Variants in SLC6A17 observed in about 807,000 individuals in gnomAD.
The protein encoded by SLC6A17 is solute carrier family 6 member 17.
Under a neutral mutation model 64.5 loss-of-function variants are expected in SLC6A17, and 21 were observed. The ratio of observed to expected loss-of-function variants is 0.33; its 90% CI spans 0.23 to 0.47. The LOEUF (loss-of-function observed/expected upper bound fraction) is 0.47. Among genes scored for constraint, SLC6A17 ranks in the 20% least tolerant of loss-of-function variants. The pLI, the probability that SLC6A17 is intolerant of heterozygous loss-of-function variation, is 1.00. For missense variants in SLC6A17, 682 were observed against 963.2 expected, an observed-to-expected ratio of 0.71 and a Z score of 3.86; for synonymous variants, 372 against 399.5, an observed-to-expected ratio of 0.93 and a Z score of 0.82.
intron 1 of SLC6A17, among the ~76,000 whole-genome samples, chr1:110,162,888 C>T (rs1303857412): frequency 1.3e-5 from 2 of 152,002 alleles, no homozygotes; most frequent in African/African-American, 4.8e-5. Flanking sequence ...GGCACCCTCC[C>T]TTGACACATG....
Position 110,172,079 on chromosome 1 carries a change from C to T in SLC6A17, c.306C>T (p.Tyr102=). The part of the protein sequence containing the change: ...KNGGGAYLVP[Y]LVLLIIIGIP... ...CCACAGGTGCTTACCTGGTGCCCTA[C>T]CTGGTGCTGCTGATCATCATCGGGA... The change falls in exon 3 of 12, where the codon TAC becomes TAT. Residue 102 remains tyrosine, a synonymous_variant. Coordinates refer to ENST00000331565, the MANE Select transcript of SLC6A17 (RefSeq NM_001010898.4). 4 of 1,614,144 alleles carry T rather than the reference C, an allele frequency of 2.5e-6. No homozygotes were observed. Among genetic ancestry groups the T allele is most frequent in the Non-Finnish European group, 3.4e-6 (4 of 1,180,008 alleles).
intron 6 of SLC6A17, among the ~76,000 whole-genome samples, chr1:110,190,072 C>T (rs1571000110): frequency 6.6e-6 from 1 of 152,224 alleles, no homozygotes; most frequent in Non-Finnish European, 1.5e-5. Flanking sequence ...CCAGGCCTGG[C>T]CCACAGCAGG....
Position 110,174,907 on chromosome 1 carries a change from G to T in SLC6A17, c.700G>T (p.Ala234Ser). 20 of 1,614,164 alleles carry T rather than the reference G, an allele frequency of 1.2e-5. No homozygotes were observed. The highest frequency in any genetic ancestry group is 1.7e-4 in the Middle Eastern group (1 of 6,060). Residue 234 changes from alanine (A) to serine (S), a missense_variant, in exon 5 of 12, where the codon GCC becomes TCC. Coordinates refer to ENST00000331565, the MANE Select transcript of SLC6A17 (RefSeq NM_001010898.4). ...GAAGATGACCCTGTGCCTCCTCGTG[G>T]CCTGGAGCATCGTGGGGATGGCTGT... ...NWKMTLCLLV[A>S]WSIVGMAVVK...
intron 1 of SLC6A17, among the ~76,000 whole-genome samples, chr1:110,156,241 A>C (rs1284599020): frequency 6.6e-6 from 1 of 152,210 alleles, no homozygotes; most frequent in Non-Finnish European, 1.5e-5. Context: ...TCAAGTGAGG[A>C]AGATCCTGCT....
intron 4 of SLC6A17, 131 bp from the exon 5 acceptor site, chr1:110,174,648 A>G: frequency 8.8e-7 from 1 of 1,134,880 alleles, no homozygotes; most frequent in South Asian, 1.6e-5. Flanking sequence ...ACCCAAGATG[A>G]GCACAGCCCC....
intron 6 of SLC6A17, among the ~76,000 whole-genome samples, chr1:110,191,328 A>G (rs1425469491): frequency 6.6e-6 from 1 of 152,240 alleles, no homozygotes; most frequent in Non-Finnish European, 1.5e-5. Context: ...AAATTGCTCC[A>G]TGCCATCCCA....
chr1:110,176,423 A>G (rs1051664221), intron 5 of SLC6A17, among the ~76,000 whole-genome samples: 2 of 152,160 alleles, frequency 1.3e-5, no homozygotes, highest in South Asian at 2.1e-4. Context: ...GGGCACAGCC[A>G]TGCAGACTCC....
chr1:110,194,742 C>G lies in SLC6A17; in HGVS notation c.1463C>G (p.Thr488Ser). 6.2e-7 allele frequency: 1 copy of G among 1,614,034 alleles called. No homozygotes were observed. The highest frequency in any genetic ancestry group is 1.1e-5 in the South Asian group (1 of 91,084). ...GGCATCACCACGCCCATCATCGACA[C>G]CTTCAAGGTGCCCAAGGAGATGTTC... is the stretch of plus-strand genomic sequence containing the variant. ...MAGITTPIIDTFKVPKEMFTV... is the reference protein window; with the variant it reads ...MAGITTPIIDSFKVPKEMFTV... Residue 488 changes from threonine (T) to serine (S), a missense_variant, in exon 9 of 12, where the codon ACC (threonine) becomes AGC (serine). Physicochemically the swap from Thr to Ser is moderately conservative, Grantham distance 58. Coordinates refer to ENST00000331565, the MANE Select transcript of SLC6A17 (RefSeq NM_001010898.4).
chr1:110,179,522 C>CCCTTT (rs1407053523), intron 6 of SLC6A17, among the ~76,000 whole-genome samples: 1 of 86,536 alleles, frequency 1.2e-5, no homozygotes, highest in Non-Finnish European at 2.4e-5. Context: ...CCTTTCCCTT[C>CCCTTT]CCCTTCCCCT....
At chr1:110,153,927 C>T (rs74117526) in intron 1 of SLC6A17, among the ~76,000 whole-genome samples, 268 of 152,298 alleles carry the variant, frequency 1.8e-3, no homozygotes, top group African/African-American at 6.2e-3. Context: ...TGTTTCCCTC[C>T]CCTGAATGAT....
chr1:110,166,981 A>G lies in SLC6A17; in HGVS notation c.52A>G (p.Thr18Ala), dbSNP rs1656079128. 1 of 1,613,736 alleles carries G rather than the reference A, an allele frequency of 6.2e-7. No homozygotes were observed. The highest frequency in any genetic ancestry group is 1.3e-5 in the African/African-American group (1 of 74,844). The change falls in exon 2 of 12, where the codon ACT becomes GCT. Residue 18 changes from threonine to alanine, a missense_variant. Coordinates refer to ENST00000331565, the MANE Select transcript of SLC6A17 (RefSeq NM_001010898.4). The stretch of plus-strand genomic sequence containing the variant: ...GCGTGAGCACAGCAGTGAGCATGTC[A>G]CTGAGTCCGTGGCCGACCTGCTGGC... ...TQREHSSEHV[T>A]ESVADLLALE...
intron 1 of SLC6A17, among the ~76,000 whole-genome samples, chr1:110,156,199 C>T (rs956713653): frequency 6.6e-6 from 1 of 152,148 alleles, no homozygotes; most frequent in African/African-American, 2.4e-5. Flanking sequence ...CCCCAAATTG[C>T]TTTATATTGT....
At chr1:110,163,914 AC>A (rs969815721) in intron 1 of SLC6A17, among the ~76,000 whole-genome samples, 1 of 148,842 alleles carries the variant, frequency 6.7e-6, no homozygotes, top group African/African-American at 2.5e-5. Flanking sequence ...CTGCCCCCCA[AC>A]CCCCGCATCC....
rs544084723 is a variant in SLC6A17 at position 110,194,606 on chromosome 1, A to G, written c.1327A>G (p.Ile443Val). The change falls in exon 9 of 12, where the codon ATC (isoleucine) becomes GTC (valine). Residue 443 changes from isoleucine (I) to valine (V), a missense_variant. This residue lies in a region of SLC6A17 where 415 missense variants were observed against 603.8 expected (regional missense o/e 0.69). Transcript: ENST00000331565. ...CGTGCAGGGCACAGGCCTGGCCTTC[A>G]TCGCCTTCACTGAGGCCATGACGCA... The part of the protein sequence containing the change: ...KSVQGTGLAF[I>V]AFTEAMTHFP... 12 of 1,614,192 alleles carry G rather than the reference A, an allele frequency of 7.4e-6. No individual in the cohort carries two copies. The African/African-American group carries it at 1.5e-4, about 20-fold the overall frequency.
At position 110,172,086 on chromosome 1, in the gene SLC6A17, C is replaced by T. The variant is rs1656241830; in HGVS notation, c.313C>T (p.Leu105=). The change falls in exon 3 of 12, where the codon CTG becomes TTG. Residue 105 remains leucine (L), a synonymous_variant. Transcript: ENST00000331565. ...GGAYLVPYLV[L]LIIIGIPLFF... is the part of the protein sequence containing the mutation. ...TGCTTACCTGGTGCCCTACCTGGTG[C>T]TGCTGATCATCATCGGGATCCCCCT... is the stretch of plus-strand genomic sequence containing the variant. The T allele has an allele frequency of 1.9e-6, 3 of 1,614,040 alleles. No homozygotes were observed. The highest frequency in any genetic ancestry group is 3.3e-5 in the Admixed American group (2 of 60,004).
intron 1 of SLC6A17, among the ~76,000 whole-genome samples, chr1:110,164,835 A>G (rs6663220): frequency 0.025 from 3,791 of 152,232 alleles, 156 homozygotes; most frequent in African/African-American, 0.085. Flanking sequence ...ATGGAGAAAC[A>G]TGTGCTCCAA....
intron 1 of SLC6A17, 64 bp from the exon 2 acceptor site, chr1:110,166,779 A>G (rs1412497807): frequency 1.0e-6 from 1 of 1,000,662 alleles, no homozygotes; most frequent in Non-Finnish European, 1.4e-6. Context: ...GGTTGTGTCC[A>G]CGTTGGGCTC....
intron 5 of SLC6A17, among the ~76,000 whole-genome samples, chr1:110,176,049 CCTTT>C (rs1220203128): frequency 1.3e-5 from 2 of 152,196 alleles, no homozygotes; most frequent in East Asian, 3.8e-4. Flanking sequence ...CAGCCCTCTT[CCTTT>C]GTTTCAGTGC....
At chr1:110,197,079 G>A (rs1261534574) in intron 10 of SLC6A17, among the ~76,000 whole-genome samples, 2 of 152,216 alleles carry the variant, frequency 1.3e-5, no homozygotes, top group African/African-American at 4.8e-5. Context: ...CACTTCTACT[G>A]CTTTTCCAGC....
Sources: gnomAD v4.1 joint callset for allele counts (sites outside exome capture counted in the v4.1 genomes callset) on GRCh38, gnomAD v4.1.1 for gene constraint, gnomAD v4.1.1 regional missense constraint, MANE v1.5 for transcripts, NCBI Gene and HGNC (gene_info 2026-07-23, HGNC 2026-07-21) for gene names.